Variants in ST6GAL2 observed in about 807,000 individuals in gnomAD.
ST6GAL2 encodes ST6 beta-galactoside alpha-2,6-sialyltransferase 2, also known as beta-galactoside alpha-2,6-sialyltransferase 2.
In ST6GAL2, 24 loss-of-function variants were observed where a neutral mutation model predicts 37.5. That is an observed-to-expected ratio of 0.64 (90% CI 0.46 to 0.90). The LOEUF (loss-of-function observed/expected upper bound fraction) is 0.90. ST6GAL2 is among the 40% of genes least tolerant of loss of function. The pLI, the probability that ST6GAL2 is intolerant of heterozygous loss-of-function variation, is 0.00. For missense variants in ST6GAL2, 715 were observed against 712.7 expected, an observed-to-expected ratio of 1.00 and a Z score of -0.04; for synonymous variants, 306 against 295.1, an observed-to-expected ratio of 1.04 and a Z score of -0.38.
Position 106,806,946 on chromosome 2 carries a change from A to G in ST6GAL2, c.1322T>C (p.Ile441Thr), listed in dbSNP as rs745813010. The change falls in exon 6 of 6, where the codon ATC becomes ACC. Residue 441 changes from isoleucine to threonine, a missense_variant. Ile to Thr is a moderately conservative substitution (Grantham distance 89, BLOSUM62 -1). Around this residue, in one of 3 missense-constraint regions of ST6GAL2, gnomAD observed 198 missense variants for 203.6 expected, o/e 0.97. Coordinates refer to ENST00000409382, the MANE Select transcript of ST6GAL2 (RefSeq NM_001142351.2). Reference sequence around the variant, plus strand: ...TCTGCACATGGACATCATTATGAGGATTCCTGACATGAAAACCAAAAATTA... The same window carrying G: ...TCTGCACATGGACATCATTATGAGGGTTCCTGACATGAAAACCAAAAATTA... The part of the protein sequence containing the change: ...PNPPSSGFIG[I>T]LIMMSMCREV... 1 of 1,604,996 alleles carries G rather than the reference A, an allele frequency of 6.2e-7. No individual in the cohort carries two copies. Among genetic ancestry groups the G allele is most frequent in the Non-Finnish European group, 8.5e-7 (1 of 1,173,084 alleles).
At chr2:106,812,259 A>G (rs1404714368) in intron 5 of ST6GAL2, among the ~76,000 whole-genome samples, 1 of 152,210 alleles carries the variant, frequency 6.6e-6, no homozygotes, top group East Asian at 1.9e-4. Context: ...CCTGCTCTCT[A>G]ACGTCTCACC....
At chr2:106,814,575 C>T (rs565255638) in intron 5 of ST6GAL2, among the ~76,000 whole-genome samples, 23 of 151,882 alleles carry the variant, frequency 1.5e-4, no homozygotes, top group Non-Finnish European at 3.2e-4. Flanking sequence ...AGGAGTTCCA[C>T]GTCTATGTGT....
chr2:106,864,981 G>A (rs894311214), intron 1 of ST6GAL2, among the ~76,000 whole-genome samples: 1 of 152,038 alleles, frequency 6.6e-6, no homozygotes, highest in Non-Finnish European at 1.5e-5. Context: ...CCATTCTATG[G>A]TGTAAACGCT....
intron 5 of ST6GAL2, among the ~76,000 whole-genome samples, chr2:106,829,051 G>A (rs1296279627): frequency 2.0e-5 from 3 of 152,164 alleles, no homozygotes; most frequent in Non-Finnish European, 4.4e-5. Flanking sequence ...ATCAAAGCCC[G>A]CACCTACTCA....
rs116094554 is a variant in ST6GAL2, at chr2:106,842,724, G to A, written c.943+311C>T. Among the ~76,000 whole-genome samples, 1,054 of 152,256 alleles carry A rather than the reference G, an allele frequency of 6.9e-3. 3 individuals are homozygous for A. The highest frequency in any genetic ancestry group is 0.011 in the Non-Finnish European group (738 of 68,026). On this transcript the variant is annotated intron_variant, in intron 2 of 5. Coordinates refer to ENST00000409382, the MANE Select transcript of ST6GAL2 (RefSeq NM_001142351.2). ...CTGAACAGTGAGAAGGACGCCGGGG[G>A]CAAAGGGCGGCGCTTTCCTTCCACT...
rs754838335 is a variant in ST6GAL2 at position 106,830,092 on chromosome 2, G to C, written c.1292C>G (p.Pro431Arg). 3.1e-6 allele frequency: 5 copies of C among 1,614,018 alleles called. No individual in the cohort carries two copies. Among genetic ancestry groups the C allele is most frequent in the Non-Finnish European group, 4.2e-6 (5 of 1,179,988 alleles). The change falls in exon 5 of 6, where the codon CCA becomes CGA. Residue 431 changes from proline to arginine, a missense_variant. Around this residue, in one of 3 missense-constraint regions of ST6GAL2, gnomAD observed 198 missense variants for 203.6 expected, o/e 0.97. Coordinates refer to ENST00000409382, the MANE Select transcript of ST6GAL2 (RefSeq NM_001142351.2). ...AATGAAACCAGAAGATGGTGGGTTT[G>C]GTTGAATCTTCTCTTTAGTGTTCTC... The part of the protein sequence containing the change: ...IQENTKEKIQ[P>R]NPPSSGFIGI...
At chr2:106,870,123 T>G (rs1366007608) in intron 1 of ST6GAL2, among the ~76,000 whole-genome samples, 1 of 152,132 alleles carries the variant, frequency 6.6e-6, no homozygotes, top group Non-Finnish European at 1.5e-5. Context: ...TACAGTCTGC[T>G]GCTTTTTGCA....
chr2:106,820,496 A>G (rs956996783), intron 5 of ST6GAL2, among the ~76,000 whole-genome samples: 2 of 152,244 alleles, frequency 1.3e-5, no homozygotes, highest in Admixed American at 1.3e-4. Context: ...ATATTACTAG[A>G]GCTAAAGAGA....
In ST6GAL2 at chr2:106,813,406, T is replaced by C. The variant is rs538412493; in HGVS notation, c.1319-6457A>G. 1.1e-4 allele frequency among the ~76,000 whole-genome samples: 17 copies of C among 152,306 alleles called. No homozygotes were observed. In the South Asian group the frequency reaches 3.3e-3, roughly 30 times the overall value. ...AAATGTCATGTTATATGATTCAGCA[T>C]AATAAGCAGAATGGGCACTTATTTA... On this transcript the variant is annotated intron_variant, in intron 5 of 5. Coordinates refer to ENST00000409382, the MANE Select transcript of ST6GAL2 (RefSeq NM_001142351.2).
intron 5 of ST6GAL2, among the ~76,000 whole-genome samples, chr2:106,829,791 C>T (rs1020535246): frequency 6.6e-6 from 1 of 151,898 alleles, no homozygotes; most frequent in Non-Finnish European, 1.5e-5. Flanking sequence ...AGTTTAAATG[C>T]TCCAAAATCC....
rs1676367019 is a variant in ST6GAL2 at position 106,830,247 on chromosome 2, A to G, written c.1144-7T>C. ...AATCCGGTTTTTTGTACCACTAAGG[A>G]AAAAAAAATCAATGCAGTCAAGTAG... On this transcript the variant is annotated splice_region_variant and splice_polypyrimidine_tract_variant and intron_variant, in intron 4 of 5. Coordinates refer to ENST00000409382, the MANE Select transcript of ST6GAL2 (RefSeq NM_001142351.2). 5 of 1,591,468 alleles carry G rather than the reference A, an allele frequency of 3.1e-6. No homozygotes were observed. The highest frequency in any genetic ancestry group is 1.4e-5 in the African/African-American group (1 of 73,882).
intron 1 of ST6GAL2, among the ~76,000 whole-genome samples, chr2:106,850,181 G>A (rs1012146711): frequency 6.6e-6 from 1 of 152,134 alleles, no homozygotes; most frequent in Non-Finnish European, 1.5e-5. Flanking sequence ...ATGGGGAGAT[G>A]ACATATGGGA....
chr2:106,848,615 C>T (rs779461260), intron 1 of ST6GAL2, among the ~76,000 whole-genome samples: 9 of 152,202 alleles, frequency 5.9e-5, no homozygotes, highest in Non-Finnish European at 8.8e-5. Flanking sequence ...TGCCCCCCCA[C>T]ACCAGATAAT....
intron 5 of ST6GAL2, chr2:106,822,902 T>C (rs1339363246): frequency 6.6e-6 from 1 of 152,196 alleles, no homozygotes; most frequent in African/African-American, 2.4e-5. Context: ...ATTTATATTA[T>C]GTCAATAATG....
At chr2:106,808,995 A>G (rs1221401912) in intron 5 of ST6GAL2, among the ~76,000 whole-genome samples, 2 of 152,222 alleles carry the variant, frequency 1.3e-5, no homozygotes, top group African/African-American at 4.8e-5. Flanking sequence ...CAACAGAGCA[A>G]GACTCTGTCT....
At chr2:106,872,077 T>C (rs1004781587) in intron 1 of ST6GAL2, among the ~76,000 whole-genome samples, 7 of 152,254 alleles carry the variant, frequency 4.6e-5, no homozygotes, top group African/African-American at 1.7e-4. Context: ...TAATGCACAC[T>C]GCAGTACAAC....
chr2:106,813,321 C>A, intron 5 of ST6GAL2: 1 of 734,862 alleles, frequency 1.4e-6, no homozygotes, highest in Non-Finnish European at 1.9e-6. Flanking sequence ...TGCTTTTAAA[C>A]ATCATATAAC....
chr2:106,857,026 T>G (rs1053151528), intron 1 of ST6GAL2, among the ~76,000 whole-genome samples: 1 of 152,162 alleles, frequency 6.6e-6, no homozygotes, highest in African/African-American at 2.4e-5. Context: ...GTGAAAGTCA[T>G]AGACAGGTAA....
At position 106,805,579 on chromosome 2, in the gene ST6GAL2, G is replaced by GACT. The variant is rs947459078; in HGVS notation, c.*1096_*1098dup. 3.3e-5 allele frequency: 5 copies of GACT among 152,180 alleles called. No homozygotes were observed. The highest frequency in any genetic ancestry group is 1.2e-4 in the African/African-American group (5 of 41,456). 9.4% of individuals were successfully genotyped at this position (152,180 alleles called of 1,614,324 possible). A position where few individuals can be genotyped will look rare whatever the true frequency, so the allele number is the denominator to read the frequency against. ...CATAAAACATATCTGCAAAAGCAAGGACTGGATTCCTAAATGTCTGTAGGA... is the reference window on the plus strand; with the variant it reads ...CATAAAACATATCTGCAAAAGCAAGGACTACTGGATTCCTAAATGTCTGTAGGA... On this transcript the variant is annotated 3_prime_UTR_variant, in exon 6 of 6. Transcript: ENST00000409382.
Sources: allele counts gnomAD v4.1 joint callset (sites outside exome capture counted in the v4.1 genomes callset), GRCh38; gene constraint gnomAD v4.1.1; regional missense constraint gnomAD v4.1.1; transcripts MANE v1.5; gene names NCBI Gene and HGNC (gene_info 2026-07-23, HGNC 2026-07-21).